Variants in PARD3B observed in about 807,000 individuals in gnomAD.
PARD3B encodes the protein partitioning defective 3 homolog B.
PARD3B carries 103 observed loss-of-function variants against 130.2 expected under a neutral mutation model. The observed-to-expected ratio is 0.79, with a 90% CI of 0.67 to 0.93. The LOEUF is 0.93. PARD3B is among the 40% of genes least tolerant of loss of function. The pLI is 0.00. For synonymous variants in PARD3B, 583 were observed against 553.2 expected, an observed-to-expected ratio of 1.05 and a Z score of -0.76; for missense variants, 1,609 against 1,499.2, an observed-to-expected ratio of 1.07 and a Z score of -1.21.
intron 15 of PARD3B, among the ~76,000 whole-genome samples, chr2:205,207,398 A>C (rs1221574010): frequency 6.7e-6 from 1 of 148,680 alleles, no homozygotes; most frequent in African/African-American, 2.6e-5. Flanking sequence ...AGAGACACAA[A>C]AAACCCTTCA....
intron 21 of PARD3B, among the ~76,000 whole-genome samples, chr2:205,541,534 A>G (rs1388327381): frequency 6.6e-6 from 1 of 151,984 alleles, no homozygotes; most frequent in African/African-American, 2.4e-5. Context: ...TTTTTAGTAG[A>G]GACGGGGTTT....
rs956846945 is a variant in PARD3B at position 205,175,947 on chromosome 2, T to A, written c.1792-498T>A. ...CTGTCTGGCGTCACAGCGGTTTGAT[T>A]TAGCTCCTGGCCAAAGACCTAGTAT... is the stretch of plus-strand genomic sequence containing the variant. On this transcript the variant is annotated intron_variant, in intron 12 of 22. Coordinates refer to ENST00000406610, the MANE Select transcript of PARD3B (RefSeq NM_001302769.2). Among the ~76,000 whole-genome samples the A allele has an allele frequency of 5.3e-5, 8 of 152,188 alleles. No individual in the cohort carries two copies. In the South Asian group the frequency reaches 1.7e-3, roughly 32 times the overall value.
chr2:205,399,238 C>G (rs187516546), intron 18 of PARD3B, among the ~76,000 whole-genome samples: 116 of 152,098 alleles, frequency 7.6e-4, no homozygotes, highest in Middle Eastern at 3.4e-3. Context: ...CCATGGCACT[C>G]CAGCCTGGGC....
intron 21 of PARD3B, among the ~76,000 whole-genome samples, chr2:205,544,206 A>G (rs2052288099): frequency 6.6e-6 from 1 of 152,202 alleles, no homozygotes; most frequent in Non-Finnish European, 1.5e-5. Flanking sequence ...CTCCTGGAGA[A>G]TACAAGACAG....
At chr2:205,238,031 T>C (rs1278421564) in intron 15 of PARD3B, among the ~76,000 whole-genome samples, 5 of 152,166 alleles carry the variant, frequency 3.3e-5, no homozygotes, top group Non-Finnish European at 5.9e-5. Flanking sequence ...AGTTGTCTCA[T>C]TCATGAGTCT....
intron 2 of PARD3B, among the ~76,000 whole-genome samples, chr2:204,910,433 G>T (rs940139515): frequency 5.3e-5 from 8 of 152,248 alleles, no homozygotes; most frequent in Admixed American, 2.6e-4. Context: ...CAAGGTAAAA[G>T]ATATATTTTG....
At chr2:205,245,753 T>G in intron 15 of PARD3B, 25 bp from the exon 16 acceptor site, 1 of 1,566,660 alleles carries the variant, frequency 6.4e-7, no homozygotes. Context: ...GTCTGATCCT[T>G]GTCTCTTTTA....
At chr2:204,996,682 CG>C (rs1255172007) in intron 3 of PARD3B, among the ~76,000 whole-genome samples, 3 of 149,664 alleles carry the variant, frequency 2.0e-5, no homozygotes, top group African/African-American at 7.4e-5. Flanking sequence ...CCCCCAGCCT[CG>C]TTGCCGCCTT....
At chr2:205,425,392 A>G (rs2047109674) in intron 19 of PARD3B, among the ~76,000 whole-genome samples, 1 of 152,166 alleles carries the variant, frequency 6.6e-6, no homozygotes, top group African/African-American at 2.4e-5. Context: ...GTAAATTGCA[A>G]TAGTTGGAGA....
At chr2:205,020,710 G>T (rs1333068305) in intron 3 of PARD3B, among the ~76,000 whole-genome samples, 2 of 152,082 alleles carry the variant, frequency 1.3e-5, no homozygotes, top group Admixed American at 6.6e-5. Flanking sequence ...TCTGTGTGTT[G>T]TCGAAGTCAG....
chr2:204,961,062 G>A (rs1461357147), intron 2 of PARD3B, among the ~76,000 whole-genome samples: 1 of 152,138 alleles, frequency 6.6e-6, no homozygotes, highest in African/African-American at 2.4e-5. Flanking sequence ...AACAAGGGGC[G>A]GGATCAGCAG....
chr2:204,831,793 GT>G (rs1163006156), intron 2 of PARD3B, among the ~76,000 whole-genome samples: 1 of 151,822 alleles, frequency 6.6e-6, no homozygotes, highest in Non-Finnish European at 1.5e-5. Flanking sequence ...GAATGTATGA[GT>G]TTTATGAGAA....
rs1298817594 is a variant in PARD3B, at chr2:205,454,534, GC to G, written c.3044+13864del. ...ACCCATCCAGAAATGGAATTCAGGAGCCATTGTTTTGCACAGACTTCAGTCA... is the reference window on the plus strand; with the variant it reads ...ACCCATCCAGAAATGGAATTCAGGAGCATTGTTTTGCACAGACTTCAGTCA... On this transcript the variant is annotated intron_variant, in intron 20 of 22. Transcript: ENST00000406610. Among the ~76,000 whole-genome samples, 3 of 152,224 alleles carry G rather than the reference GC, an allele frequency of 2.0e-5. No individual in the cohort carries two copies. In the East Asian group the frequency reaches 5.8e-4, roughly 29 times the overall value.
intron 15 of PARD3B, among the ~76,000 whole-genome samples, chr2:205,234,333 C>T (rs2038970867): frequency 6.6e-6 from 1 of 151,960 alleles, no homozygotes; most frequent in African/African-American, 2.4e-5. Context: ...ACACAAGTAA[C>T]TTAAAAGTAA....
chr2:205,185,667 T>A, intron 13 of PARD3B, 97 bp from the exon 14 acceptor site: 2 of 923,246 alleles, frequency 2.2e-6, no homozygotes, highest in Admixed American at 3.6e-5. Flanking sequence ...GTTTATGTGT[T>A]GGCTAAAACT....
At chr2:205,543,322 T>A (rs1201949707) in intron 21 of PARD3B, among the ~76,000 whole-genome samples, 4 of 152,168 alleles carry the variant, frequency 2.6e-5, no homozygotes, top group Non-Finnish European at 5.9e-5. Flanking sequence ...TACCAAAAAA[T>A]TAGAATATAT....
At chr2:205,211,051 A>G (rs900581613) in intron 15 of PARD3B, among the ~76,000 whole-genome samples, 2 of 152,122 alleles carry the variant, frequency 1.3e-5, no homozygotes, top group African/African-American at 4.8e-5. Context: ...ATGTTTAACT[A>G]AACATGAGGC....
At chr2:205,347,235 G>A (rs999725300) in intron 18 of PARD3B, among the ~76,000 whole-genome samples, 5 of 152,038 alleles carry the variant, frequency 3.3e-5, no homozygotes, top group Non-Finnish European at 7.4e-5. Context: ...GTCTATGGCC[G>A]ACCTCTGTAG....
rs571207966 is a variant in PARD3B, at chr2:205,530,166, C to T, written c.3181-23158C>T. 1.3e-5 allele frequency among the ~76,000 whole-genome samples: 2 copies of T among 152,186 alleles called. No homozygotes were observed. Among genetic ancestry groups the T allele is most frequent in the Non-Finnish European group, 2.9e-5 (2 of 68,036 alleles). On this transcript the variant is annotated intron_variant, in intron 21 of 22. Coordinates refer to ENST00000406610, the MANE Select transcript of PARD3B (RefSeq NM_001302769.2). This position sits in a 1 kb window ranked among gnomAD's most constrained non-coding sequence, Gnocchi z 4.7. ...ATAATATGCACATCTAACCTTACAG[C>T]TGCAACTCGTGAAATAGTAAACCAA...
Sources: gnomAD v4.1 joint callset for allele counts (sites outside exome capture counted in the v4.1 genomes callset) on GRCh38, gnomAD v4.1.1 for gene constraint, Gnocchi (gnomAD v3.1) non-coding constraint, MANE v1.5 for transcripts, NCBI Gene and HGNC (gene_info 2026-07-23, HGNC 2026-07-21) for gene names.